The following RNF38 variants were observed in gnomAD, a reference collection of about 807,000 sequenced individuals.
RNF38 encodes the protein ring finger protein 38.
Under a neutral mutation model 67.2 loss-of-function variants are expected in RNF38, and 15 were observed. The observed-to-expected ratio is 0.22, with a 90% CI of 0.15 to 0.34. The LOEUF (loss-of-function observed/expected upper bound fraction) is 0.34, where lower values mean the gene tolerates loss of function less well. RNF38 is among the 10% of genes least tolerant of loss of function. RNF38 has a pLI of 1.00. For synonymous variants in RNF38, 220 were observed against 218.8 expected, an observed-to-expected ratio of 1.01 and a Z score of -0.05; for missense variants, 524 against 639.9, an observed-to-expected ratio of 0.82 and a Z score of 1.95.
intron 1 of RNF38, among the ~76,000 whole-genome samples, chr9:36,482,048 CTTTTTTTT>C (rs767211095): frequency 2.9e-4 from 35 of 119,306 alleles, no homozygotes; most frequent in African/African-American, 9.7e-4. Context: ...ATACTTTTGT[CTTTTTTTT>C]TTTTTTTTTT....
intron 3 of RNF38, chr9:36,372,391 G>C: frequency 3.5e-6 from 2 of 576,378 alleles, no homozygotes; most frequent in Non-Finnish European, 6.3e-6. Context: ...TGTTAATTGA[G>C]TTTAATGGCC....
At chr9:36,484,999 T>C (rs577008266) in intron 1 of RNF38, among the ~76,000 whole-genome samples, 45 of 152,140 alleles carry the variant, frequency 3.0e-4, no homozygotes, top group Non-Finnish European at 3.8e-4. Context: ...ACCCCGTCTC[T>C]ACTAAAAATA....
intron 1 of RNF38, among the ~76,000 whole-genome samples, chr9:36,479,205 C>A (rs1348777454): frequency 6.6e-6 from 1 of 152,180 alleles, no homozygotes; most frequent in African/African-American, 2.4e-5. Context: ...CCGCCTGCCC[C>A]CACTACTTGG....
intron 11 of RNF38, among the ~76,000 whole-genome samples, chr9:36,340,221 C>G (rs1306883186): frequency 6.6e-6 from 1 of 152,128 alleles, no homozygotes; most frequent in Non-Finnish European, 1.5e-5. Flanking sequence ...TCGGGTGATC[C>G]ACCCACCATG....
At chr9:36,484,218 A>T (rs1160051114) in intron 1 of RNF38, among the ~76,000 whole-genome samples, 1 of 152,256 alleles carries the variant, frequency 6.6e-6, no homozygotes, top group East Asian at 1.9e-4. Context: ...AACAAAGCTC[A>T]AACTGCTGAC....
chr9:36,477,647 C>A (rs912242500), intron 1 of RNF38, among the ~76,000 whole-genome samples: 1 of 151,430 alleles, frequency 6.6e-6, no homozygotes, highest in African/African-American at 2.4e-5. Context: ...TGGTGAAACC[C>A]CCATCCCTAC....
chr9:36,436,313 A>T (rs1405284179), intron 1 of RNF38, among the ~76,000 whole-genome samples: 1 of 152,244 alleles, frequency 6.6e-6, no homozygotes, highest in African/African-American at 2.4e-5. Context: ...GAAAGCTGAC[A>T]TTAAACAGTG....
At chr9:36,420,459 G>C (rs1225371163) in intron 2 of RNF38, among the ~76,000 whole-genome samples, 1 of 145,680 alleles carries the variant, frequency 6.9e-6, no homozygotes, top group African/African-American at 2.5e-5. Flanking sequence ...GTGAACCCAG[G>C]AGGCAGAGCT....
chr9:36,405,542 C>T (rs538251516), upstream of RNF38, among the ~76,000 whole-genome samples: 3 of 152,344 alleles, frequency 2.0e-5, no homozygotes, highest in East Asian at 3.9e-4. Flanking sequence ...CTTATGCTAG[C>T]TTCAGAAAAT....
chr9:36,356,218 G>A (rs1834095308), intron 6 of RNF38, 85 bp downstream of exon 6: 1 of 1,307,998 alleles, frequency 7.6e-7, no homozygotes, highest in African/African-American at 1.5e-5. Flanking sequence ...AATCCACTAA[G>A]GTTATATACC....
chr9:36,487,115 TG>T (rs1399085924), intron 1 of RNF38, among the ~76,000 whole-genome samples: 1 of 152,068 alleles, frequency 6.6e-6, no homozygotes, highest in East Asian at 1.9e-4. Flanking sequence ...ACCCACCGGG[TG>T]GGAAAACGCT....
intron 1 of RNF38, among the ~76,000 whole-genome samples, chr9:36,473,261 G>A (rs187347996): frequency 0.011 from 1,730 of 151,754 alleles, 15 homozygotes; most frequent in Non-Finnish European, 0.02. Context: ...AGGAGTTCAA[G>A]TCCAGCCTGG....
rs760316679 is a variant in RNF38 at position 36,353,232 on chromosome 9, G to C, written c.1009C>G (p.Pro337Ala). 1.2e-6 allele frequency: 2 copies of C among 1,613,252 alleles called. No individual in the cohort carries two copies. The highest frequency in any genetic ancestry group is 2.2e-5 in the East Asian group (1 of 44,874). ...GTTAAGAACTGCAAGGGAGCTGATG[G>C]AGGTAATGTTGGGGGGTGGGCTGAT... ...PPSAHPPTLP[P>A]SAPLQFLTHD... is the part of the protein sequence containing the mutation. Residue 337 changes from proline (P) to alanine (A), a missense_variant, in exon 7 of 12, where the codon CCA becomes GCA. Pro to Ala is a conservative substitution (Grantham distance 27). This residue lies in a region of RNF38 where 461 missense variants were observed against 517.4 expected (regional missense o/e 0.89). Coordinates refer to ENST00000259605, the MANE Select transcript of RNF38 (RefSeq NM_022781.5).
At chr9:36,427,889 T>C (rs1002278437) in intron 1 of RNF38, among the ~76,000 whole-genome samples, 3 of 151,524 alleles carry the variant, frequency 2.0e-5, no homozygotes, top group African/African-American at 4.8e-5. Context: ...TTTGTATTTT[T>C]AGTAGAGACA....
At chr9:36,399,475 C>A (rs1038759624) in intron 1 of RNF38, among the ~76,000 whole-genome samples, 9 of 105,354 alleles carry the variant, frequency 8.5e-5, no homozygotes, top group African/African-American at 3.2e-4. Context: ...TGAAATATAC[C>A]ATATTATAAA....
At chr9:36,443,072 T>A (rs1839229456) in intron 1 of RNF38, among the ~76,000 whole-genome samples, 1 of 152,222 alleles carries the variant, frequency 6.6e-6, no homozygotes, top group Admixed American at 6.5e-5. Context: ...CAATTACGGC[T>A]TTGTTTCAAA....
intron 2 of RNF38, among the ~76,000 whole-genome samples, chr9:36,383,774 A>G (rs1272658171): frequency 6.6e-6 from 1 of 152,206 alleles, no homozygotes; most frequent in Admixed American, 6.5e-5. Flanking sequence ...AACATGCAGA[A>G]ACAAAAAAAT....
chr9:36,374,705 G>C (rs1301617215), intron 3 of RNF38, among the ~76,000 whole-genome samples: 1 of 152,138 alleles, frequency 6.6e-6, no homozygotes, highest in Non-Finnish European at 1.5e-5. Context: ...GGCCAGGATG[G>C]TCTCCTGACC....
At chr9:36,415,196 C>A (rs538226896) in intron 2 of RNF38, among the ~76,000 whole-genome samples, 1 of 152,146 alleles carries the variant, frequency 6.6e-6, no homozygotes. Flanking sequence ...TAGGCTTGAT[C>A]GTTTAACATA....
Sources: allele counts gnomAD v4.1 joint callset (sites outside exome capture counted in the v4.1 genomes callset), GRCh38; gene constraint gnomAD v4.1.1; regional missense constraint gnomAD v4.1.1; transcripts MANE v1.5; gene names NCBI Gene and HGNC (gene_info 2026-07-23, HGNC 2026-07-21).